Variants in SASH3 observed in about 807,000 individuals in gnomAD.
The protein encoded by SASH3 is SAM and SH3 domain-containing protein 3.
Under a neutral mutation model 26.1 loss-of-function variants are expected in SASH3, and 7 were observed. The observed-to-expected ratio is 0.27, with a 90% CI of 0.15 to 0.50. SASH3 has a LOEUF of 0.50. Among genes scored for constraint, SASH3 ranks in the 20% least tolerant of loss-of-function variants. The pLI is 0.98. For synonymous variants in SASH3, 138 were observed against 136.8 expected (o/e 1.01, Z -0.06); for missense variants, 231 against 318.3 (o/e 0.73, Z 2.09).
chrX:129,793,606 C>T (rs772581107), intron 7 of SASH3, 36 bp from the exon 8 acceptor site: 4 of 1,191,183 alleles, frequency 3.4e-6, no homozygotes, highest in Non-Finnish European at 4.5e-6. Context: ...CCTACCTCCA[C>T]CCCCATATTC....
intron 6 of SASH3, 24 bp downstream of exon 6, chrX:129,792,860 A>G: frequency 8.5e-7 from 1 of 1,174,597 alleles, no homozygotes. Context: ...CCTCACTAGT[A>G]TCTAGTATCA....
At chrX:129,791,165 G>A (rs746124734) in intron 4 of SASH3, 84 bp downstream of exon 4, 60 of 1,016,556 alleles carry the variant, frequency 5.9e-5, no homozygotes, top group African/African-American at 4.3e-4. Flanking sequence ...CTGTCTGGGC[G>A]GGGGGTAAGA....
chrX:129,783,852 C>A (rs1267308040), intron 1 of SASH3, among the ~76,000 whole-genome samples: 1 of 111,496 alleles, frequency 9.0e-6, no homozygotes, highest in Non-Finnish European at 1.9e-5. Flanking sequence ...CTGGCTGGGG[C>A]AGTGTGGACC....
chrX:129,784,345 G>A (rs1927069661), intron 1 of SASH3, among the ~76,000 whole-genome samples: 1 of 112,038 alleles, frequency 8.9e-6, no homozygotes, highest in Admixed American at 9.5e-5. Flanking sequence ...ATGGGCATTT[G>A]CGGGTTTTCC....
chrX:129,793,237 C>G, intron 7 of SASH3, 98 bp downstream of exon 7: 3 of 937,972 alleles, frequency 3.2e-6, no homozygotes, highest in Non-Finnish European at 4.5e-6. Context: ...CACGCTCTGC[C>G]CTAGGACTGC....
chrX:129,785,015 C>A (rs1202479664), intron 1 of SASH3, among the ~76,000 whole-genome samples: 6 of 107,570 alleles, frequency 5.6e-5, no homozygotes, highest in Non-Finnish European at 1.2e-4. Context: ...ATATACAATA[C>A]AATACATATA....
chrX:129,787,151 AAATAAT>A (rs753977940), intron 1 of SASH3, among the ~76,000 whole-genome samples: 4 of 111,809 alleles, frequency 3.6e-5, no homozygotes, highest in East Asian at 5.6e-4. Flanking sequence ...AAAATACAAA[AAATAAT>A]AATAATAAAA....
rs991793267 is a variant in SASH3, at chrX:129,793,703, G to A, written c.1014G>A (p.Val338=). The stretch of plus-strand genomic sequence containing the variant: ...GCCAGGAGCCAGTGGCACACACAGT[G>A]TCGGAACCCAAGGTGGACATCCCGC... ...ESSQEPVAHT[V]SEPKVDIPRD... Residue 338 remains valine, a synonymous_variant, in exon 8 of 8, where the codon GTG becomes GTA. Transcript: ENST00000356892. The A allele has an allele frequency of 2.1e-5, 26 of 1,212,310 alleles. No individual in the cohort carries two copies. Among genetic ancestry groups the A allele is most frequent in the Non-Finnish European group, 2.9e-5 (26 of 895,576 alleles).
intron 1 of SASH3, among the ~76,000 whole-genome samples, chrX:129,780,702 T>A (rs1318217175): frequency 8.9e-6 from 1 of 112,769 alleles, no homozygotes; most frequent in African/African-American, 3.2e-5. Flanking sequence ...TCCCAGGCCC[T>A]ACCCGAGATG....
intron 2 of SASH3, 67 bp downstream of exon 2, chrX:129,788,137 G>GGGTGGC: frequency 2.8e-6 from 1 of 354,272 alleles, no homozygotes; most frequent in East Asian, 6.3e-5. Context: ...GGGTGGGAGG[G>GGGTGGC]AAGAGGGTGA....
chrX:129,788,075 GT>G lies in SASH3; in HGVS notation c.153+8del, dbSNP rs1441438560. The stretch of plus-strand genomic sequence containing the variant: ...GAGTTTAATCTGGATGATAACGTGA[GT>G]TTCAGGGCATCCTTGTGGGATCTGG... On this transcript the variant is annotated splice_donor_region_variant and intron_variant, in intron 2 of 7. Coordinates refer to ENST00000356892, the MANE Select transcript of SASH3 (RefSeq NM_018990.4). The G allele has an allele frequency of 1.0e-6, 1 of 957,991 alleles. No individual in the cohort carries two copies. The highest frequency in any genetic ancestry group is 2.2e-5 in the African/African-American group (1 of 45,536). 78.9% of individuals were successfully genotyped at this position (957,991 alleles called of 1,213,427 possible). A position where few individuals can be genotyped will look rare whatever the true frequency, so the allele number is the denominator to read the frequency against.
At chrX:129,786,990 A>C (rs866299029) in intron 1 of SASH3, among the ~76,000 whole-genome samples, 27 of 99,750 alleles carry the variant, frequency 2.7e-4, no homozygotes, top group African/African-American at 1.0e-3. Flanking sequence ...GCGAGACTCC[A>C]TCTCAGAAAA....
intron 5 of SASH3, 48 bp from the exon 6 acceptor site, chrX:129,792,579 C>T (rs1927250821): frequency 8.4e-7 from 1 of 1,194,017 alleles, no homozygotes; most frequent in South Asian, 1.8e-5. Flanking sequence ...CCAAGGCCCC[C>T]CATATCCTCT....
rs372725415 is a variant in SASH3, at chrX:129,782,503, A to G, written c.57+2349A>G. Among the ~76,000 whole-genome samples the G allele has an allele frequency of 1.6e-4, 18 of 112,298 alleles. 1 individual carries two copies. The South Asian group carries it at 6.6e-3, about 41-fold the overall frequency. On this transcript the variant is annotated intron_variant, in intron 1 of 7. Transcript: ENST00000356892. ...CGACAACCTGGTGAGGTAGGGGCAGATATTGTCATTATCCCTATTTGACAC... is the reference window on the plus strand; with the variant it reads ...CGACAACCTGGTGAGGTAGGGGCAGGTATTGTCATTATCCCTATTTGACAC...
At chrX:129,786,501 C>G (rs916059569) in intron 1 of SASH3, among the ~76,000 whole-genome samples, 2 of 110,694 alleles carry the variant, frequency 1.8e-5, no homozygotes, top group African/African-American at 6.6e-5. Context: ...TTCCTCAAGC[C>G]CTTATCTCGG....
intron 1 of SASH3, among the ~76,000 whole-genome samples, chrX:129,785,780 G>A (rs552142837): frequency 1.8e-5 from 2 of 112,087 alleles, no homozygotes; most frequent in South Asian, 7.3e-4. Flanking sequence ...TCAGGCTGAG[G>A]GTTGGTGGAG....
intron 6 of SASH3, 54 bp from the exon 7 acceptor site, chrX:129,792,935 C>T: frequency 8.3e-7 from 1 of 1,205,877 alleles, no homozygotes; most frequent in Non-Finnish European, 1.1e-6. Flanking sequence ...TGGGGAGGAC[C>T]TAGGCAGGGG....
intron 4 of SASH3, among the ~76,000 whole-genome samples, chrX:129,791,940 C>T (rs1357586231): frequency 8.9e-6 from 1 of 111,970 alleles, no homozygotes; most frequent in East Asian, 2.8e-4. Flanking sequence ...TGGACTGACT[C>T]AGTGCTGCCA....
At position 129,793,739 on chromosome X, in the gene SASH3, C is replaced by G; in HGVS notation, c.1050C>G (p.Gly350=). The G allele has an allele frequency of 8.3e-7, 1 of 1,211,840 alleles. No homozygotes were observed. Among genetic ancestry groups the G allele is most frequent in the South Asian group, 1.8e-5 (1 of 56,937 alleles). Residue 350 remains glycine (G), a synonymous_variant, in exon 8 of 8, where the codon GGC becomes GGG. Transcript: ENST00000356892. ...EPKVDIPRDS[G]CFEGSESGRD... ...AGGTGGACATCCCGCGCGACTCAGGCTGCTTTGAGGGCTCGGAGAGCGGGC... is the reference window on the plus strand; with the variant it reads ...AGGTGGACATCCCGCGCGACTCAGGGTGCTTTGAGGGCTCGGAGAGCGGGC...
Sources: gnomAD v4.1 joint callset for allele counts (sites outside exome capture counted in the v4.1 genomes callset) on GRCh38, gnomAD v4.1.1 for gene constraint, MANE v1.5 for transcripts, NCBI Gene and HGNC (gene_info 2026-07-23, HGNC 2026-07-21) for gene names.